Variants in RTF1 observed in about 807,000 individuals in gnomAD.
RTF1 encodes RNA polymerase-associated protein RTF1 homolog.
Under a neutral mutation model 95.7 loss-of-function variants are expected in RTF1, and 10 were observed. The ratio of observed to expected loss-of-function variants is 0.10; its 90% CI spans 0.06 to 0.18. RTF1 has a LOEUF of 0.18. Among genes scored for constraint, RTF1 ranks in the 10% least tolerant of loss-of-function variants. RTF1 has a pLI of 1.00. For missense variants in RTF1, 458 were observed against 875.6 expected (o/e 0.52, Z 6.02); for synonymous variants, 305 against 311.8 (o/e 0.98, Z 0.23).
intron 1 of RTF1, among the ~76,000 whole-genome samples, chr15:41,421,375 G>C (rs1056480437): frequency 1.3e-5 from 2 of 151,760 alleles, no homozygotes; most frequent in African/African-American, 4.8e-5. Context: ...AGAATCACTT[G>C]AACCCAGGAG....
Position 41,477,585 on chromosome 15 carries a change from G to C in RTF1, c.1740+70G>C, listed in dbSNP as rs778785719. 4 of 1,424,730 alleles carry C rather than the reference G, an allele frequency of 2.8e-6. No individual in the cohort carries two copies. The Admixed American group carries it at 6.8e-5, about 24-fold the overall frequency. 88.3% of individuals were successfully genotyped at this position (1,424,730 alleles called of 1,614,324 possible). A position where few individuals can be genotyped will look rare whatever the true frequency, so the allele number is the denominator to read the frequency against. ...AACCATGACATCTTTTCTACATCTTGCCTAAGTTTATTTTTTAATTATTGA... is the reference window on the plus strand; with the variant it reads ...AACCATGACATCTTTTCTACATCTTCCCTAAGTTTATTTTTTAATTATTGA... On this transcript the variant is annotated intron_variant, in intron 14 of 17. Coordinates refer to ENST00000389629, the MANE Select transcript of RTF1 (RefSeq NM_015138.5).
At chr15:41,460,633 G>GT (rs1421203199) in intron 4 of RTF1, among the ~76,000 whole-genome samples, 2 of 151,956 alleles carry the variant, frequency 1.3e-5, no homozygotes, top group African/African-American at 4.8e-5. Flanking sequence ...CTCAAACTTA[G>GT]TTTTTATGTT....
At chr15:41,431,204 G>C (rs1432680351) in intron 1 of RTF1, among the ~76,000 whole-genome samples, 1 of 149,362 alleles carries the variant, frequency 6.7e-6, no homozygotes, top group Admixed American at 6.8e-5. Context: ...GCGTCCAGCG[G>C]GTTTTTCTTT....
At chr15:41,434,962 CTTTT>C (rs36045578) in intron 1 of RTF1, among the ~76,000 whole-genome samples, 4 of 131,726 alleles carry the variant, frequency 3.0e-5, no homozygotes, top group Non-Finnish European at 1.6e-5. Context: ...TACAGTAACT[CTTTT>C]TTTTTTTTTT....
intron 8 of RTF1, among the ~76,000 whole-genome samples, chr15:41,473,729 AT>A (rs926620887): frequency 8.8e-5 from 13 of 147,982 alleles, no homozygotes; most frequent in South Asian, 2.2e-4. Context: ...TGCCCAACTA[AT>A]TTTTTTTTTC....
chr15:41,429,939 C>G (rs1199787066), intron 1 of RTF1, among the ~76,000 whole-genome samples: 1 of 151,068 alleles, frequency 6.6e-6, no homozygotes, highest in Non-Finnish European at 1.5e-5. Flanking sequence ...TCCATGAGGT[C>G]AAGGACCATG....
Position 41,477,266 on chromosome 15 carries a change from C to T in RTF1, c.1662C>T (p.Thr554=). The part of the protein sequence containing the change: ...ERAEALDRQR[T]KNISAISYIN... The stretch of plus-strand genomic sequence containing the variant: ...CAGAGGCCCTGGACCGCCAGCGGAC[C>T]AAGAACATATCCGCTATCAGGTGTG... Residue 554 remains threonine, a synonymous_variant, in exon 13 of 18, where the codon ACC becomes ACT. Transcript: ENST00000389629. The T allele has an allele frequency of 6.2e-7, 1 of 1,614,230 alleles. No homozygotes were observed. The highest frequency in any genetic ancestry group is 8.5e-7 in the Non-Finnish European group (1 of 1,180,048).
At chr15:41,453,191 G>C in intron 3 of RTF1, 143 bp downstream of exon 3, 1 of 589,244 alleles carries the variant, frequency 1.7e-6, no homozygotes, top group Non-Finnish European at 2.7e-6. Context: ...TTTTTCCATG[G>C]TCATGGATGC....
At chr15:41,442,241 C>T (rs76480218) in intron 2 of RTF1, among the ~76,000 whole-genome samples, 8,063 of 150,260 alleles carry the variant, frequency 0.054, 251 homozygotes, top group East Asian at 0.16. Context: ...GATCTTGGCT[C>T]GCTGTAAGCT....
At chr15:41,440,183 T>C (rs2050725317) in intron 2 of RTF1, 1 of 144,388 alleles carries the variant, frequency 6.9e-6, no homozygotes, top group Non-Finnish European at 1.5e-5. Context: ...AGTGATAATT[T>C]CTTTCTTTTT....
chr15:41,421,583 G>A (rs2050601781), intron 1 of RTF1, among the ~76,000 whole-genome samples: 1 of 150,920 alleles, frequency 6.6e-6, no homozygotes, highest in African/African-American at 2.4e-5. Flanking sequence ...GTTACTTGTG[G>A]TCCCACCGTT....
chr15:41,441,722 C>T (rs1037884427), intron 2 of RTF1, among the ~76,000 whole-genome samples: 1 of 152,204 alleles, frequency 6.6e-6, no homozygotes, highest in Non-Finnish European at 1.5e-5. Context: ...AAGCTCCACC[C>T]TGCCCAGCAA....
At chr15:41,420,551 G>C (rs1446950132) in intron 1 of RTF1, among the ~76,000 whole-genome samples, 2 of 151,976 alleles carry the variant, frequency 1.3e-5, no homozygotes, top group African/African-American at 2.4e-5. Flanking sequence ...TCTAGCGTAT[G>C]GTACTTGTGG....
At chr15:41,474,782 A>G (rs1380154162) in intron 9 of RTF1, 80 bp downstream of exon 9, 4 of 999,318 alleles carry the variant, frequency 4.0e-6, no homozygotes, top group Non-Finnish European at 6.4e-6. Context: ...TCTCTGTGTG[A>G]TGTTCCTTGT....
At chr15:41,424,899 C>G (rs1354432530) in intron 1 of RTF1, among the ~76,000 whole-genome samples, 14 of 152,020 alleles carry the variant, frequency 9.2e-5, no homozygotes, top group Admixed American at 9.2e-4. Flanking sequence ...GTCCCAGCCA[C>G]TGGTGAGGCT....
At chr15:41,419,853 T>A (rs965445128) in intron 1 of RTF1, among the ~76,000 whole-genome samples, 15 of 152,192 alleles carry the variant, frequency 9.9e-5, no homozygotes, top group African/African-American at 3.6e-4. Context: ...GGAGTCTTGT[T>A]CTGTTGCCTG....
intron 1 of RTF1, among the ~76,000 whole-genome samples, chr15:41,426,830 T>TTTTGTTTG (rs528689623): frequency 1.4e-5 from 2 of 140,022 alleles, no homozygotes; most frequent in African/African-American, 2.6e-5. Context: ...TGTGTGTAAT[T>TTTTGTTTG]TTTGTTTGTT....
At position 41,451,834 on chromosome 15, in the gene RTF1, C is replaced by T. The variant is rs150864692; in HGVS notation, c.310-1067C>T. On this transcript the variant is annotated intron_variant, in intron 2 of 17. Coordinates refer to ENST00000389629, the MANE Select transcript of RTF1 (RefSeq NM_015138.5). ...CATTAACAATTACTGCCATCTCTGC[C>T]ACATAAAACATCAGAAGTGTTTTTT... Among the ~76,000 whole-genome samples the T allele has an allele frequency of 6.6e-4, 100 of 152,220 alleles. 1 individual carries two copies. The highest frequency in any genetic ancestry group is 2.3e-3 in the African/African-American group (94 of 41,528).
intron 1 of RTF1, among the ~76,000 whole-genome samples, chr15:41,431,425 C>G (rs1304080385): frequency 6.6e-6 from 1 of 152,006 alleles, no homozygotes; most frequent in Non-Finnish European, 1.5e-5. Flanking sequence ...CCATGTTGGT[C>G]AGACTGGTCT....
Sources: gnomAD v4.1 joint callset for allele counts (sites outside exome capture counted in the v4.1 genomes callset) on GRCh38, gnomAD v4.1.1 for gene constraint, MANE v1.5 for transcripts, NCBI Gene and HGNC (gene_info 2026-07-23, HGNC 2026-07-21) for gene names.